The following CSMD1 variants were observed in gnomAD, a reference collection of about 807,000 sequenced individuals.
CSMD1 encodes the protein CUB and Sushi multiple domains 1, also known as CUB and sushi domain-containing protein 1.
In CSMD1, 213 loss-of-function variants were observed where a neutral mutation model predicts 417.5. That is an observed-to-expected ratio of 0.51 (90% CI 0.46 to 0.57). The LOEUF (loss-of-function observed/expected upper bound fraction) is 0.57. CSMD1 is among the 20% of genes least tolerant of loss of function. The probability of loss-of-function intolerance (pLI) is 0.00; values close to 1 mark genes in which losing one functional copy is unlikely to be tolerated. For synonymous variants in CSMD1, 2,862 were observed against 1,736.8 expected (o/e 1.65, Z -16.11); for missense variants, 6,923 against 4,529.7 (o/e 1.53, Z -15.17).
At chr8:3,030,762 G>C (rs940937027) in intron 50 of CSMD1, among the ~76,000 whole-genome samples, 1 of 152,054 alleles carries the variant, frequency 6.6e-6, no homozygotes, top group African/African-American at 2.4e-5. Context: ...TGGGATTACA[G>C]GAATCAGCCA....
intron 1 of CSMD1, among the ~76,000 whole-genome samples, chr8:4,690,755 A>C (rs1362806522): frequency 6.6e-6 from 1 of 152,166 alleles, no homozygotes; most frequent in Non-Finnish European, 1.5e-5. Context: ...TTTGAGACAG[A>C]ATCTCACTCT....
At chr8:4,640,225 T>C (rs1396409966) in intron 1 of CSMD1, among the ~76,000 whole-genome samples, 2 of 152,232 alleles carry the variant, frequency 1.3e-5, no homozygotes, top group African/African-American at 2.4e-5. Context: ...TGACATTCCA[T>C]AGCACCGGTT....
At chr8:4,503,607 G>A (rs1467823731) in intron 2 of CSMD1, among the ~76,000 whole-genome samples, 10 of 152,108 alleles carry the variant, frequency 6.6e-5, no homozygotes, top group Non-Finnish European at 1.3e-4. Flanking sequence ...CATTGACCCA[G>A]CCAGCTTGAG....
intron 1 of CSMD1, among the ~76,000 whole-genome samples, chr8:4,707,262 T>C (rs1808002325): frequency 1.3e-5 from 2 of 152,114 alleles, no homozygotes; most frequent in South Asian, 2.1e-4. Context: ...TCCTAGGAGG[T>C]AAGGAATATT....
chr8:4,702,818 A>G lies in CSMD1; in HGVS notation c.86-65260T>C, dbSNP rs185045323. 2.8e-3 allele frequency among the ~76,000 whole-genome samples: 425 copies of G among 152,310 alleles called. 2 individuals are homozygous for G. The highest frequency in any genetic ancestry group is 3.6e-3 in the Non-Finnish European group (248 of 68,024). Reference sequence around the variant, plus strand: ...ATAAATAATAATAGCGGGATTCATCATATCTTCTCTTTGTCTTAGTTCTTT... The same window carrying G: ...ATAAATAATAATAGCGGGATTCATCGTATCTTCTCTTTGTCTTAGTTCTTT... On this transcript the variant is annotated intron_variant, in intron 1 of 69. Coordinates refer to ENST00000635120, the MANE Select transcript of CSMD1 (RefSeq NM_033225.6).
At chr8:4,206,130 T>A (rs982332352) in intron 3 of CSMD1, among the ~76,000 whole-genome samples, 8 of 152,116 alleles carry the variant, frequency 5.3e-5, no homozygotes, top group African/African-American at 1.9e-4. Flanking sequence ...ATAGGGAGGG[T>A]ATTTTACCTT....
chr8:4,584,355 G>C (rs143659606), intron 2 of CSMD1, among the ~76,000 whole-genome samples: 3 of 152,150 alleles, frequency 2.0e-5, no homozygotes, highest in Non-Finnish European at 4.4e-5. Context: ...GCCAAGCAGT[G>C]AGTAGCATCA....
chr8:3,234,440 C>G (rs149872475), intron 26 of CSMD1, among the ~76,000 whole-genome samples: 1 of 152,250 alleles, frequency 6.6e-6, no homozygotes, highest in East Asian at 1.9e-4. Flanking sequence ...ATTATCATTA[C>G]TCGTGTTTTG....
intron 3 of CSMD1, among the ~76,000 whole-genome samples, chr8:4,039,911 G>A (rs569880565): frequency 6.6e-6 from 1 of 152,136 alleles, no homozygotes; most frequent in Non-Finnish European, 1.5e-5. Context: ...TCTTAGAAAG[G>A]GGAATGAAAA....
At chr8:3,836,691 G>C (rs1432535881) in intron 5 of CSMD1, among the ~76,000 whole-genome samples, 2 of 151,968 alleles carry the variant, frequency 1.3e-5, no homozygotes, top group African/African-American at 4.8e-5. Context: ...TGTTCAATAT[G>C]GTTAGAATTG....
At chr8:3,447,164 G>A (rs779809258) in intron 12 of CSMD1, among the ~76,000 whole-genome samples, 2 of 152,160 alleles carry the variant, frequency 1.3e-5, no homozygotes, top group Admixed American at 6.5e-5. Context: ...GGGCACTGAT[G>A]AAAAGATGAA....
At chr8:4,355,850 G>A (rs533017812) in intron 3 of CSMD1, among the ~76,000 whole-genome samples, 1 of 152,362 alleles carries the variant, frequency 6.6e-6, no homozygotes, top group East Asian at 1.9e-4. Flanking sequence ...AAGTAGAGGA[G>A]CTTTGGAGGA....
chr8:4,442,482 C>T (rs1798541974), intron 2 of CSMD1, among the ~76,000 whole-genome samples: 2 of 152,112 alleles, frequency 1.3e-5, no homozygotes, highest in Non-Finnish European at 2.9e-5. Context: ...AAGCATATTA[C>T]ATCTGTTATG....
intron 10 of CSMD1, among the ~76,000 whole-genome samples, chr8:3,507,017 G>A (rs547885165): frequency 6.6e-6 from 1 of 152,242 alleles, no homozygotes; most frequent in African/African-American, 2.4e-5. Context: ...ACAAGATGTT[G>A]TAAGAATTGA....
chr8:4,574,130 A>G (rs2130668287), intron 2 of CSMD1, among the ~76,000 whole-genome samples: 1 of 151,728 alleles, frequency 6.6e-6, no homozygotes, highest in East Asian at 2.0e-4. Flanking sequence ...AGGGGAGTGA[A>G]CAGTTCTGTC....
intron 8 of CSMD1, among the ~76,000 whole-genome samples, chr8:3,597,071 G>A (rs1464164761): frequency 6.6e-6 from 1 of 152,152 alleles, no homozygotes; most frequent in Non-Finnish European, 1.5e-5. Flanking sequence ...ATAAAACAGA[G>A]CCACCTCACC....
chr8:4,244,574 A>T (rs1156954352), intron 3 of CSMD1, among the ~76,000 whole-genome samples: 4 of 152,124 alleles, frequency 2.6e-5, no homozygotes, highest in African/African-American at 7.2e-5. Context: ...AATACTGCGT[A>T]AATATCAACT....
At chr8:3,255,815 C>T (rs61578146) in intron 26 of CSMD1, among the ~76,000 whole-genome samples, 22,007 of 152,112 alleles carry the variant, frequency 0.14, 1,702 homozygotes, top group Admixed American at 0.19. Context: ...TTGTGCTTCC[C>T]GGGTGATGTG....
At chr8:4,709,349 G>C (rs1482492536) in intron 1 of CSMD1, among the ~76,000 whole-genome samples, 3 of 152,140 alleles carry the variant, frequency 2.0e-5, no homozygotes, top group Admixed American at 6.5e-5. Flanking sequence ...GATTGGGGGA[G>C]TTTAGGCTGT....
Sources: gnomAD v4.1 joint callset for allele counts (sites outside exome capture counted in the v4.1 genomes callset) on GRCh38, gnomAD v4.1.1 for gene constraint, MANE v1.5 for transcripts, NCBI Gene and HGNC (gene_info 2026-07-23, HGNC 2026-07-21) for gene names.